TBC1D16: variants seen among roughly 807,000 people sequenced by gnomAD.
The protein encoded by TBC1D16 is TBC1 domain family member 16.
In TBC1D16, 58 loss-of-function variants were observed where a neutral mutation model predicts 74.7. The ratio of observed to expected loss-of-function variants is 0.78; its 90% CI spans 0.63 to 0.97. TBC1D16 has a LOEUF of 0.97. Among genes scored for constraint, TBC1D16 ranks in the 50% least tolerant of loss-of-function variants. The pLI, the probability that TBC1D16 is intolerant of heterozygous loss-of-function variation, is 0.00. For missense variants in TBC1D16, 1,014 were observed against 1,079.5 expected (o/e 0.94, Z 0.85); for synonymous variants, 493 against 474.7 (o/e 1.04, Z -0.50).
At chr17:79,963,442 A>G (rs1329142377) in intron 3 of TBC1D16, among the ~76,000 whole-genome samples, 1 of 152,144 alleles carries the variant, frequency 6.6e-6, no homozygotes, top group Non-Finnish European at 1.5e-5. Context: ...TTTATGGCTG[A>G]ATAATATTCC....
chr17:80,018,523 C>T (rs1364457158), intron 1 of TBC1D16, among the ~76,000 whole-genome samples: 4 of 149,860 alleles, frequency 2.7e-5, no homozygotes, highest in South Asian at 2.1e-4. Context: ...ACCTCGTGAT[C>T]CGCCTGCCTC....
intron 3 of TBC1D16, among the ~76,000 whole-genome samples, chr17:79,976,508 CAT>C (rs1167542852): frequency 6.6e-6 from 1 of 152,174 alleles, no homozygotes; most frequent in African/African-American, 2.4e-5. Context: ...GCGTCGGTCA[CAT>C]GTGCGGTGTG....
chr17:79,943,136 G>C (rs1197122207), intron 10 of TBC1D16, among the ~76,000 whole-genome samples: 3 of 152,250 alleles, frequency 2.0e-5, no homozygotes, highest in African/African-American at 7.2e-5. Flanking sequence ...CATGAGGGCA[G>C]AGGCTACAGG....
chr17:79,946,100 T>C (rs1030783890), intron 9 of TBC1D16, among the ~76,000 whole-genome samples: 12 of 152,330 alleles, frequency 7.9e-5, no homozygotes, highest in African/African-American at 2.6e-4. Context: ...TCTGTTGGCA[T>C]CAGCTCTCCC....
chr17:80,021,614 C>T (rs2036283846), intron 1 of TBC1D16, among the ~76,000 whole-genome samples: 2 of 149,498 alleles, frequency 1.3e-5, no homozygotes, highest in Non-Finnish European at 2.9e-5. Context: ...AAGATCACTA[C>T]ATACACACCA....
chr17:79,981,658 T>C lies in TBC1D16; in HGVS notation c.779+28502A>G, dbSNP rs901372222. ...AGCGGGGAGGCCAAACCTCCAAAGC[T>C]GGGAGGGCTACAGTCAAAGAAGCAC... On this transcript the variant is annotated intron_variant, in intron 3 of 11. Coordinates refer to ENST00000310924, the MANE Select transcript of TBC1D16 (RefSeq NM_019020.4). This position sits in a 1 kb window ranked among gnomAD's most constrained non-coding sequence, Gnocchi z 6.9. Among the ~76,000 whole-genome samples, 10 of 152,358 alleles carry C rather than the reference T, an allele frequency of 6.6e-5. No homozygotes were observed. The highest frequency in any genetic ancestry group is 2.4e-4 in the African/African-American group (10 of 41,594).
In TBC1D16 at chr17:80,010,311, C is replaced by T; in HGVS notation, c.628G>A (p.Asp210Asn). ...REPRPEAGEE[D>N]GSLELSAEGV... ...TCGGCTGACAGTTCCAAAGAGCCAT[C>T]CTCCTCCCCGGCCTCGGGCCGCGGC... The change falls in exon 3 of 12, where the codon GAT becomes AAT. Residue 210 changes from aspartate (D) to asparagine (N), a missense_variant. Coordinates refer to ENST00000310924, the MANE Select transcript of TBC1D16 (RefSeq NM_019020.4). The surrounding 1 kb of genome is among the most constrained non-coding windows in gnomAD (Gnocchi z 8.8). 1.2e-6 allele frequency: 2 copies of T among 1,612,074 alleles called. No homozygotes were observed. Among genetic ancestry groups the T allele is most frequent in the Non-Finnish European group, 1.7e-6 (2 of 1,179,274 alleles).
rs537101983 is a variant in TBC1D16 at position 79,994,189 on chromosome 17, C to T, written c.779+15971G>A. On this transcript the variant is annotated intron_variant, in intron 3 of 11. Transcript: ENST00000310924. This position sits in a 1 kb window ranked among gnomAD's most constrained non-coding sequence, Gnocchi z 4.6. Reference sequence around the variant, plus strand: ...CAATAACAGCATGGTTTAAGACGGCCCACCAGATGCACTGGCTCCGCCCCC... The same window carrying T: ...CAATAACAGCATGGTTTAAGACGGCTCACCAGATGCACTGGCTCCGCCCCC... Among the ~76,000 whole-genome samples, 1 of 151,792 alleles carries T rather than the reference C, an allele frequency of 6.6e-6. No individual in the cohort carries two copies. Among genetic ancestry groups the T allele is most frequent in the African/African-American group, 2.4e-5 (1 of 41,336 alleles).
rs1230624433 is a variant in TBC1D16 at position 79,944,099 on chromosome 17, A to G, written c.1908+809T>C. On this transcript the variant is annotated intron_variant, in intron 10 of 11. Coordinates refer to ENST00000310924, the MANE Select transcript of TBC1D16 (RefSeq NM_019020.4). The surrounding 1 kb of genome is among the most constrained non-coding windows in gnomAD (Gnocchi z 7.7). Reference sequence around the variant, plus strand: ...GGCTTCAGACTCGCTTTCATCAGACATCAGCCCCCTGCGGTGTGAGTGAGG... The same window carrying G: ...GGCTTCAGACTCGCTTTCATCAGACGTCAGCCCCCTGCGGTGTGAGTGAGG... The G allele has an allele frequency of 2.6e-6, 4 of 1,536,030 alleles. No homozygotes were observed. The highest frequency in any genetic ancestry group is 3.5e-6 in the Non-Finnish European group (4 of 1,146,858).
intron 3 of TBC1D16, among the ~76,000 whole-genome samples, chr17:79,992,568 A>G (rs1333592737): frequency 3.9e-5 from 6 of 152,172 alleles, no homozygotes; most frequent in Middle Eastern, 3.2e-3. Flanking sequence ...TGCCTTTACA[A>G]TCTACTGGAG....
chr17:79,960,711 T>C (rs530295131), intron 3 of TBC1D16, among the ~76,000 whole-genome samples: 116 of 136,376 alleles, frequency 8.5e-4, no homozygotes, highest in Non-Finnish European at 1.4e-3. Context: ...GCCAACATCA[T>C]GCCACTGCAC....
intron 1 of TBC1D16, among the ~76,000 whole-genome samples, chr17:80,033,217 A>T (rs1327624035): frequency 6.6e-6 from 1 of 152,214 alleles, no homozygotes; most frequent in Non-Finnish European, 1.5e-5. Flanking sequence ...CCTAAATGGT[A>T]ACTCAGGATG....
chr17:80,010,429 C>T lies in TBC1D16; in HGVS notation c.510G>A (p.Val170=). The T allele has an allele frequency of 6.2e-7, 1 of 1,610,126 alleles. No individual in the cohort carries two copies. Among genetic ancestry groups the T allele is most frequent in the African/African-American group, 1.3e-5 (1 of 75,004 alleles). Residue 170 remains valine, a synonymous_variant, in exon 3 of 12, where the codon GTG becomes GTA. Transcript: ENST00000310924. The surrounding 1 kb of genome is among the most constrained non-coding windows in gnomAD (Gnocchi z 8.8). ...DEEKLAQGLG[V]DGAQPASQPA... ...GCTGCGAGGCTGGCTGGGCACCATC[C>T]ACCCCCAAGCCCTGCGCCAGCTTCT...
chr17:79,943,014 TC>T (rs2032164343), intron 10 of TBC1D16, among the ~76,000 whole-genome samples: 1 of 152,194 alleles, frequency 6.6e-6, no homozygotes, highest in African/African-American at 2.4e-5. Context: ...CACACGCGCT[TC>T]CGGAGGCACA....
intron 3 of TBC1D16, among the ~76,000 whole-genome samples, chr17:79,966,318 A>G (rs1178622997): frequency 1.3e-5 from 2 of 152,160 alleles, no homozygotes; most frequent in East Asian, 3.8e-4. Context: ...ATTTCCAAGT[A>G]AGATTGCAAT....
chr17:79,973,719 AAAG>A (rs369915952), intron 3 of TBC1D16, among the ~76,000 whole-genome samples: 40,693 of 144,140 alleles, frequency 0.28, 6,365 homozygotes, highest in Admixed American at 0.44. Flanking sequence ...CAAAAAAAAA[AAAG>A]AAAAAAAAAT....
chr17:79,950,615 C>T lies in TBC1D16; in HGVS notation c.1090-37G>A, dbSNP rs779167138. On this transcript the variant is annotated intron_variant, in intron 5 of 11. Transcript: ENST00000310924. This position sits in a 1 kb window ranked among gnomAD's most constrained non-coding sequence, Gnocchi z 4.6. ...GAAAACTGGGCAAAGGTCAGGATCT[C>T]AGCCGCGCGGCTTCAGAGGCCAGCA... 6.3e-6 allele frequency: 10 copies of T among 1,599,830 alleles called. 1 individual carries two copies. In the South Asian group the frequency reaches 1.1e-4, roughly 18 times the overall value.
intron 9 of TBC1D16, among the ~76,000 whole-genome samples, chr17:79,945,495 C>T (rs1026054786): frequency 6.6e-5 from 10 of 152,184 alleles, no homozygotes; most frequent in Non-Finnish European, 1.0e-4. Context: ...TCTTCGGCTA[C>T]GCTCACCCAG....
In TBC1D16 at chr17:80,013,490, G is replaced by C; in HGVS notation, c.58C>G (p.Leu20Val). ...CCGCTGCCGCTGCCACCGGGGGTGA[G>C]GGTCAGGAGGTCCGAGGCTTTGGAG... is the stretch of plus-strand genomic sequence containing the variant. Reference protein sequence around the residue: ...ASSKASDLLTLTPGGSGSGSP... With the variant: ...ASSKASDLLTVTPGGSGSGSP... Residue 20 changes from leucine to valine, a missense_variant, in exon 2 of 12, where the codon CTC becomes GTC. Transcript: ENST00000310924. 1.3e-6 allele frequency: 2 copies of C among 1,585,664 alleles called. No individual in the cohort carries two copies. Among genetic ancestry groups the C allele is most frequent in the Non-Finnish European group, 1.7e-6 (2 of 1,166,924 alleles).
Sources: allele counts gnomAD v4.1 joint callset (sites outside exome capture counted in the v4.1 genomes callset), GRCh38; gene constraint gnomAD v4.1.1; non-coding constraint Gnocchi (gnomAD v3.1); transcripts MANE v1.5; gene names NCBI Gene and HGNC (gene_info 2026-07-23, HGNC 2026-07-21).